RAB3C: variants seen among roughly 807,000 people sequenced by gnomAD.
RAB3C encodes RAB3C, member RAS oncogene family, also known as ras-related protein Rab-3C.
Under a neutral mutation model 26.4 loss-of-function variants are expected in RAB3C, and 17 were observed. The ratio of observed to expected loss-of-function variants is 0.64; its 90% CI spans 0.44 to 0.97. The LOEUF is 0.97. Ranked by LOEUF, RAB3C falls within the 50% of genes least tolerant of loss-of-function variation. RAB3C has a pLI of 0.00. For synonymous variants in RAB3C, 91 were observed against 95.9 expected (o/e 0.95, Z 0.30); for missense variants, 242 against 281.9 (o/e 0.86, Z 1.01).
intron 3 of RAB3C, among the ~76,000 whole-genome samples, chr5:58,734,679 G>A (rs568973832): frequency 5.3e-5 from 8 of 152,222 alleles, no homozygotes; most frequent in Admixed American, 2.0e-4. Context: ...CTCAATAAAT[G>A]ACATCTCTAT....
intron 2 of RAB3C, among the ~76,000 whole-genome samples, chr5:58,716,477 C>A (rs985119990): frequency 5.9e-5 from 9 of 152,048 alleles, no homozygotes; most frequent in African/African-American, 2.2e-4. Context: ...GTGTCACCTC[C>A]CAGCACTGTG....
chr5:58,722,625 C>T (rs1392788295), intron 2 of RAB3C, among the ~76,000 whole-genome samples: 3 of 151,914 alleles, frequency 2.0e-5, no homozygotes, highest in Non-Finnish European at 2.9e-5. Context: ...TTTGCTTATG[C>T]TTTTCATTTT....
chr5:58,733,850 G>C (rs1016133806), intron 3 of RAB3C, among the ~76,000 whole-genome samples: 1 of 152,150 alleles, frequency 6.6e-6, no homozygotes, highest in Non-Finnish European at 1.5e-5. Context: ...CAGTGCATTT[G>C]AACTTGATTT....
chr5:58,833,281 G>A (rs1006309050), intron 4 of RAB3C, among the ~76,000 whole-genome samples: 7 of 150,110 alleles, frequency 4.7e-5, no homozygotes, highest in South Asian at 2.1e-4. Flanking sequence ...CTGTACATTC[G>A]AACCACCTAG....
chr5:58,654,687 TC>T (rs1561279765), intron 2 of RAB3C, among the ~76,000 whole-genome samples: 1 of 139,796 alleles, frequency 7.2e-6, no homozygotes, highest in Non-Finnish European at 1.5e-5. Flanking sequence ...TCTCTTCTCC[TC>T]TTTTTCCCTC....
intron 1 of RAB3C, 38 bp downstream of exon 1, chr5:58,583,270 G>C (rs375217921): frequency 6.2e-7 from 1 of 1,613,724 alleles, no homozygotes; most frequent in African/African-American, 1.3e-5. Flanking sequence ...GGGAGGAATT[G>C]AAAGAGATGC....
intron 2 of RAB3C, among the ~76,000 whole-genome samples, chr5:58,656,810 A>G (rs1579841489): frequency 6.6e-6 from 1 of 152,334 alleles, no homozygotes; most frequent in Middle Eastern, 3.4e-3. Context: ...TACAACCACT[A>G]TGGAAAACAG....
chr5:58,612,518 G>GTGTGTGTGTGTGTATATATATATA (rs1242197761), intron 1 of RAB3C, among the ~76,000 whole-genome samples: 4 of 40,584 alleles, frequency 9.9e-5, no homozygotes, highest in Admixed American at 3.7e-4. Flanking sequence ...GTGTGTGTGT[G>GTGTGTGTGTGTGTATATATATATA]TGTATATATA....
At chr5:58,796,409 T>A (rs1742650223) in intron 3 of RAB3C, among the ~76,000 whole-genome samples, 1 of 152,022 alleles carries the variant, frequency 6.6e-6, no homozygotes, top group Non-Finnish European at 1.5e-5. Flanking sequence ...AGCTATAACA[T>A]GGAGGTTATA....
chr5:58,802,600 G>A (rs1007771903), intron 3 of RAB3C, among the ~76,000 whole-genome samples: 3 of 152,086 alleles, frequency 2.0e-5, no homozygotes, highest in African/African-American at 7.2e-5. Context: ...CTAAGAGATG[G>A]GTCTAAAAAG....
chr5:58,858,766 T>C lies in RAB3C; in HGVS notation c.*7415T>C, dbSNP rs573718645. ...TGAAACCATTCAAATTACCCCAGTT[T>C]AGCTCCCTACCTTTTAGTCTCCGTG... On this transcript the variant is annotated 3_prime_UTR_variant, in exon 5 of 5. Transcript: ENST00000282878. The C allele has an allele frequency of 2.0e-5, 3 of 152,218 alleles. No homozygotes were observed. The highest frequency in any genetic ancestry group is 4.1e-4 in the South Asian group (2 of 4,830). The allele number at this position is 152,218 out of a possible 1,614,324, so 9.4% of individuals were successfully genotyped here. A position where few individuals can be genotyped will look rare whatever the true frequency, so the allele number is the denominator to read the frequency against.
chr5:58,764,666 T>C (rs1320200750), intron 3 of RAB3C, among the ~76,000 whole-genome samples: 1 of 152,240 alleles, frequency 6.6e-6, no homozygotes, highest in African/African-American at 2.4e-5. Context: ...TCAATTTTGA[T>C]AGCACTCACT....
At chr5:58,652,643 C>A (rs1482378614) in intron 2 of RAB3C, among the ~76,000 whole-genome samples, 1 of 149,916 alleles carries the variant, frequency 6.7e-6, no homozygotes, top group Non-Finnish European at 1.5e-5. Flanking sequence ...GGTACTGGTA[C>A]ATACACATAT....
At chr5:58,714,588 TAGGG>T in intron 2 of RAB3C, among the ~76,000 whole-genome samples, 1 of 152,176 alleles carries the variant, frequency 6.6e-6, no homozygotes, top group East Asian at 1.9e-4. Flanking sequence ...GTGTCTGACT[TAGGG>T]AGTAAAAAAT....
chr5:58,594,301 C>G (rs1011557041), intron 1 of RAB3C, among the ~76,000 whole-genome samples: 9 of 152,162 alleles, frequency 5.9e-5, no homozygotes, highest in African/African-American at 2.2e-4. Context: ...GGTGTTAGCT[C>G]TAATAGAAGA....
chr5:58,769,965 GT>G (rs909122137), intron 3 of RAB3C, among the ~76,000 whole-genome samples: 2 of 152,160 alleles, frequency 1.3e-5, no homozygotes. Flanking sequence ...TTAGAAAAGT[GT>G]AGTCCAGACA....
At chr5:58,612,478 G>A (rs977729889) in intron 1 of RAB3C, among the ~76,000 whole-genome samples, 1 of 143,326 alleles carries the variant, frequency 7.0e-6, no homozygotes, top group Non-Finnish European at 1.5e-5. Flanking sequence ...CTGGTTAGCT[G>A]TGTTCCTAGG....
At chr5:58,782,860 C>A (rs1173196955) in intron 3 of RAB3C, among the ~76,000 whole-genome samples, 2 of 152,066 alleles carry the variant, frequency 1.3e-5, no homozygotes, top group African/African-American at 4.8e-5. Flanking sequence ...GGATCTAGGA[C>A]CACATTTACC....
chr5:58,744,220 G>A (rs1380076962), intron 3 of RAB3C, among the ~76,000 whole-genome samples: 3 of 152,228 alleles, frequency 2.0e-5, no homozygotes, highest in Admixed American at 6.5e-5. Flanking sequence ...GAGAAAGACA[G>A]ACGTCAACTC....
Sources: allele counts gnomAD v4.1 joint callset (sites outside exome capture counted in the v4.1 genomes callset), GRCh38; gene constraint gnomAD v4.1.1; transcripts MANE v1.5; gene names NCBI Gene and HGNC (gene_info 2026-07-23, HGNC 2026-07-21).